The following CPVL variants were observed in gnomAD, a reference collection of about 807,000 sequenced individuals.
The protein encoded by CPVL is carboxypeptidase vitellogenic like, also known as probable serine carboxypeptidase CPVL.
CPVL carries 51 observed loss-of-function variants against 63.7 expected under a neutral mutation model. That is an observed-to-expected ratio of 0.80 (90% CI 0.64 to 1.01). The LOEUF is 1.01. Among genes scored for constraint, CPVL ranks in the 50% least tolerant of loss-of-function variants. CPVL has a pLI of 0.00. For missense variants in CPVL, 530 were observed against 573.1 expected (o/e 0.92, Z 0.77); for synonymous variants, 195 against 206.0 (o/e 0.95, Z 0.46).
At chr7:29,076,687 C>T (rs1032242107) in intron 7 of CPVL, among the ~76,000 whole-genome samples, 3 of 152,194 alleles carry the variant, frequency 2.0e-5, no homozygotes, top group African/African-American at 7.2e-5. Context: ...GACCATATTT[C>T]GAGCTCACCT....
chr7:29,102,663 C>T (rs1422087715), intron 3 of CPVL, among the ~76,000 whole-genome samples: 1 of 151,992 alleles, frequency 6.6e-6, no homozygotes, highest in Non-Finnish European at 1.5e-5. Context: ...GCCCGCGGGT[C>T]CCACAAACCT....
chr7:29,136,683 T>C (rs541114786), intron 1 of CPVL, among the ~76,000 whole-genome samples: 1 of 152,294 alleles, frequency 6.6e-6, no homozygotes, highest in South Asian at 2.1e-4. Flanking sequence ...AGAAGAAGAC[T>C]AAAATTTTTT....
intron 12 of CPVL, among the ~76,000 whole-genome samples, chr7:29,022,566 G>C (rs182135430): frequency 9.7e-4 from 148 of 152,182 alleles, no homozygotes; most frequent in Non-Finnish European, 4.1e-4. Context: ...AGGAGTCTAG[G>C]GATTGACCTA....
At chr7:29,110,749 A>G (rs1328372979) in intron 3 of CPVL, among the ~76,000 whole-genome samples, 1 of 152,264 alleles carries the variant, frequency 6.6e-6, no homozygotes, top group Non-Finnish European at 1.5e-5. Flanking sequence ...AGATGGAATT[A>G]AAGTTGCTAA....
chr7:29,142,892 C>G (rs1792054164), intron 1 of CPVL, among the ~76,000 whole-genome samples: 3 of 152,144 alleles, frequency 2.0e-5, no homozygotes, highest in Admixed American at 2.0e-4. Context: ...CAGAAGTCCT[C>G]AAGTCAAATC....
intron 1 of CPVL, among the ~76,000 whole-genome samples, chr7:29,142,621 G>A (rs1005163817): frequency 6.7e-6 from 1 of 150,130 alleles, no homozygotes; most frequent in African/African-American, 2.5e-5. Context: ...CTGCTGCCGG[G>A]TTGCAGCGAT....
At chr7:29,111,633 T>C (rs574889170) in intron 3 of CPVL, among the ~76,000 whole-genome samples, 7 of 152,326 alleles carry the variant, frequency 4.6e-5, no homozygotes, top group Middle Eastern at 3.4e-3. Flanking sequence ...ATTTCTTACA[T>C]GCCCCAACCT....
At chr7:29,097,109 G>A (rs1300429428) in intron 3 of CPVL, among the ~76,000 whole-genome samples, 3 of 151,478 alleles carry the variant, frequency 2.0e-5, no homozygotes, top group Non-Finnish European at 2.9e-5. Context: ...AAATAACAAC[G>A]ACAAAACCCT....
At chr7:29,098,773 G>C (rs1042743035) in intron 3 of CPVL, among the ~76,000 whole-genome samples, 1 of 152,104 alleles carries the variant, frequency 6.6e-6, no homozygotes, top group African/African-American at 2.4e-5. Context: ...ATAAAAATGG[G>C]ATCAATAGGC....
intron 5 of CPVL, among the ~76,000 whole-genome samples, chr7:29,157,267 G>T (rs1314199191): frequency 6.6e-6 from 1 of 150,428 alleles, no homozygotes; most frequent in Non-Finnish European, 1.5e-5. Context: ...CCCCCACCCT[G>T]CTACACCCAT....
At chr7:29,006,297 G>A (rs1785189653) in intron 12 of CPVL, among the ~76,000 whole-genome samples, 1 of 152,126 alleles carries the variant, frequency 6.6e-6, no homozygotes. Context: ...TGACATTTTG[G>A]CTGTCCTGGG....
chr7:29,003,106 C>T (rs1467794917), intron 12 of CPVL, among the ~76,000 whole-genome samples: 4 of 151,810 alleles, frequency 2.6e-5, no homozygotes, highest in African/African-American at 9.7e-5. Flanking sequence ...TCATAGTACA[C>T]ATAATAGTAT....
intron 6 of CPVL, among the ~76,000 whole-genome samples, chr7:29,088,689 C>CAT (rs1051543384): frequency 5.3e-5 from 8 of 152,128 alleles, no homozygotes; most frequent in African/African-American, 1.9e-4. Flanking sequence ...ATCTGCTAAA[C>CAT]ATATATATAA....
At chr7:29,013,961 T>C (rs138245892) in intron 12 of CPVL, among the ~76,000 whole-genome samples, 1 of 152,368 alleles carries the variant, frequency 6.6e-6, no homozygotes, top group East Asian at 1.9e-4. Context: ...CTGGTTTGTC[T>C]GGCCTGTATC....
intron 12 of CPVL, among the ~76,000 whole-genome samples, chr7:28,996,916 T>C (rs184188654): frequency 6.6e-6 from 1 of 152,346 alleles, no homozygotes; most frequent in East Asian, 1.9e-4. Context: ...CAAGTTAAGA[T>C]ACAATGAAAT....
At chr7:29,081,264 G>A (rs1784684316) in intron 7 of CPVL, 1 of 152,230 alleles carries the variant, frequency 6.6e-6, no homozygotes, top group Admixed American at 6.5e-5. Context: ...ATTAAACACA[G>A]CTTATTTCTC....
chr7:29,153,290 CT>C (rs1489249140), intron 5 of CPVL, among the ~76,000 whole-genome samples: 2 of 152,200 alleles, frequency 1.3e-5, no homozygotes, highest in Non-Finnish European at 2.9e-5. Flanking sequence ...AAATAAACAT[CT>C]GTTGATTTAA....
intron 11 of CPVL, among the ~76,000 whole-genome samples, chr7:29,045,823 C>A (rs1231928361): frequency 6.6e-6 from 1 of 152,162 alleles, no homozygotes; most frequent in Non-Finnish European, 1.5e-5. Flanking sequence ...GTTAGATTTG[C>A]TGGAATATTT....
chr7:29,034,113 AT>A (rs939845129), intron 11 of CPVL, among the ~76,000 whole-genome samples: 3 of 151,696 alleles, frequency 2.0e-5, no homozygotes, highest in Non-Finnish European at 4.4e-5. Flanking sequence ...CTTTTTTTAA[AT>A]TTTTTTTAAG....
Sources: gnomAD v4.1 joint callset for allele counts (sites outside exome capture counted in the v4.1 genomes callset) on GRCh38, gnomAD v4.1.1 for gene constraint, MANE v1.5 for transcripts, NCBI Gene and HGNC (gene_info 2026-07-23, HGNC 2026-07-21) for gene names.